Variants in S100A8 observed in about 807,000 individuals in gnomAD.
S100A8 encodes the protein protein S100-A8.
Under a neutral mutation model 4.2 loss-of-function variants are expected in S100A8, and 1 was observed. The observed-to-expected ratio is 0.24, with a 90% confidence interval of 0.08 to 1.12. The LOEUF (loss-of-function observed/expected upper bound fraction) is 1.12. Among genes scored for constraint, S100A8 ranks in the 50% most tolerant of loss-of-function variants. The pLI, the probability that S100A8 is intolerant of heterozygous loss-of-function variation, is 0.53. For synonymous variants in S100A8, 41 were observed against 44.7 expected, an observed-to-expected ratio of 0.92 and a Z score of 0.33; for missense variants, 96 against 111.8, an observed-to-expected ratio of 0.86 and a Z score of 0.64.
At chr1:153,405,353 G>A in the S100A8 span, among the ~76,000 whole-genome samples, 1 of 149,680 alleles carries the variant, frequency 6.7e-6, no homozygotes, top group Non-Finnish European at 1.5e-5. Context: ...AGTCCAAACT[G>A]CACCATTTTG....
chr1:153,405,711 C>A, the S100A8 span, among the ~76,000 whole-genome samples: 2 of 152,194 alleles, frequency 1.3e-5, no homozygotes, highest in Non-Finnish European at 2.9e-5. Context: ...TAAGCTTGTC[C>A]CCCACCTCCT....
chr1:153,411,011 A>G, the S100A8 span, among the ~76,000 whole-genome samples: 2 of 152,202 alleles, frequency 1.3e-5, no homozygotes, highest in Non-Finnish European at 2.9e-5. Context: ...TGACAAACCC[A>G]CAGCCAGTAT....
the S100A8 span, chr1:153,418,125 G>A: frequency 4.6e-4 from 742 of 1,614,088 alleles, no homozygotes; most frequent in Non-Finnish European, 5.8e-4. Context: ...AGGCATGATC[G>A]ACATGTTTCA....
intron 1 of S100A8, 77 bp downstream of exon 1, chr1:153,390,964 A>T (rs760109279): frequency 4.3e-5 from 41 of 960,314 alleles, no homozygotes; most frequent in Non-Finnish European, 4.9e-5. Context: ...CTCCTCTCTC[A>T]GGAAGGCTGC....
the S100A8 span, chr1:153,420,872 C>T: frequency 6.6e-6 from 1 of 152,332 alleles, no homozygotes; most frequent in Non-Finnish European, 1.5e-5. Context: ...TGCTCTCTTT[C>T]CTCTCTTAGC....
chr1:153,406,153 C>T, the S100A8 span, among the ~76,000 whole-genome samples: 1 of 152,180 alleles, frequency 6.6e-6, no homozygotes, highest in Admixed American at 6.5e-5. Context: ...AGTGATTTCT[C>T]CTCTTCCAAA....
the S100A8 span, among the ~76,000 whole-genome samples, chr1:153,413,031 G>A: frequency 6.6e-6 from 1 of 152,164 alleles, no homozygotes; most frequent in African/African-American, 2.4e-5. Flanking sequence ...TATACCTAAT[G>A]TAAATGACGA....
In S100A8 at chr1:153,390,213, A is replaced by G. The variant is rs747209514; in HGVS notation, c.172T>C (p.Leu58=). Residue 58 remains leucine, a synonymous_variant, in exon 3 of 3, where the codon TTG becomes CTG. Coordinates refer to ENST00000368733, the MANE Select transcript of S100A8 (RefSeq NM_002964.5). ...ACTGCACCATCAGTGTTGATATCCAACTCTTTGAACCAGACGTCTGCACCC... is the reference window on the plus strand; with the variant it reads ...ACTGCACCATCAGTGTTGATATCCAGCTCTTTGAACCAGACGTCTGCACCC... ...KKGADVWFKE[L]DINTDGAVNF... 3 of 1,613,652 alleles carry G rather than the reference A, an allele frequency of 1.9e-6. No individual in the cohort carries two copies. Among genetic ancestry groups the G allele is most frequent in the African/African-American group, 2.7e-5 (2 of 74,982 alleles).
At chr1:153,419,216 T>G in the S100A8 span, 626 of 1,614,156 alleles carry the variant, frequency 3.9e-4, 2 homozygotes, top group African/African-American at 7.5e-3. Flanking sequence ...AGAAGATTGA[T>G]TTTTCTGAGT....
the S100A8 span, chr1:153,416,422 A>T: frequency 3.3e-6 from 1 of 298,918 alleles, no homozygotes; most frequent in Non-Finnish European, 6.8e-6. Flanking sequence ...ATATGGGACA[A>T]GCCTCCAAGA....
the S100A8 span, among the ~76,000 whole-genome samples, chr1:153,413,039 C>T: frequency 4.2e-4 from 64 of 152,044 alleles, no homozygotes; most frequent in Admixed American, 1.0e-3. Flanking sequence ...ATGTAAATGA[C>T]GAGTTAATGG....
chr1:153,392,345 G>A (rs570669695), upstream of S100A8, among the ~76,000 whole-genome samples: 7 of 152,338 alleles, frequency 4.6e-5, no homozygotes, highest in South Asian at 1.5e-3. Flanking sequence ...ACAAGTGTTG[G>A]TGAGGGCATA....
At chr1:153,421,366 A>G in the S100A8 span, 2 of 152,042 alleles carry the variant, frequency 1.3e-5, no homozygotes, top group African/African-American at 4.8e-5. Flanking sequence ...AGATTCCCCT[A>G]ATGTCTTTCC....
intron 1 of S100A8, chr1:153,390,821 A>G: frequency 1.9e-6 from 1 of 521,546 alleles, no homozygotes; most frequent in East Asian, 4.0e-5. Context: ...CCCTCTGCTC[A>G]AGAAAAGTCC....
chr1:153,417,172 C>T, the S100A8 span: 1 of 152,338 alleles, frequency 6.6e-6, no homozygotes, highest in Non-Finnish European at 1.5e-5. Context: ...AGGTCCTTTT[C>T]TGGTTCTTTG....
Position 153,390,179 on chromosome 1 carries a change from T to C in S100A8, c.206A>G (p.Gln69Arg), listed in dbSNP as rs563143291. ...DINTDGAVNF[Q>R]EFLILVIKMG... is the part of the protein sequence containing the mutation. ...CTTTATCACCAGAATGAGGAACTCC[T>C]GGAAGTTAACTGCACCATCAGTGTT... The change falls in exon 3 of 3, where the codon CAG (glutamine) becomes CGG (arginine). Residue 69 changes from glutamine to arginine, a missense_variant. Gln to Arg is a conservative substitution (Grantham distance 43, BLOSUM62 1). Coordinates refer to ENST00000368733, the MANE Select transcript of S100A8 (RefSeq NM_002964.5). 6 of 1,614,164 alleles carry C rather than the reference T, an allele frequency of 3.7e-6. No homozygotes were observed. Among genetic ancestry groups the C allele is most frequent in the East Asian group, 2.2e-5 (1 of 44,878 alleles).
At chr1:153,395,048 G>A (rs1662184203), upstream of S100A8, among the ~76,000 whole-genome samples, 1 of 152,090 alleles carries the variant, frequency 6.6e-6, no homozygotes, top group African/African-American at 2.4e-5. Flanking sequence ...AGTCCCAGGG[G>A]AGAGGAAAAG....
chr1:153,403,389 G>A, the S100A8 span, among the ~76,000 whole-genome samples: 1 of 152,152 alleles, frequency 6.6e-6, no homozygotes, highest in Admixed American at 6.5e-5. Flanking sequence ...AAAATCAATT[G>A]ACTGTGAATG....
At chr1:153,409,935 A>G in the S100A8 span, among the ~76,000 whole-genome samples, 1 of 152,350 alleles carries the variant, frequency 6.6e-6, no homozygotes, top group African/African-American at 2.4e-5. Context: ...AACCAATATG[A>G]ACAAAGACAC....
Sources: gnomAD v4.1 joint callset for allele counts (sites outside exome capture counted in the v4.1 genomes callset) on GRCh38, gnomAD v4.1.1 for gene constraint, MANE v1.5 for transcripts, NCBI Gene and HGNC (gene_info 2026-07-23, HGNC 2026-07-21) for gene names.